Variants in CDK14 observed in about 807,000 individuals in gnomAD.
CDK14 encodes cyclin dependent kinase 14.
In CDK14, 34 loss-of-function variants were observed where a neutral mutation model predicts 60.7. The observed-to-expected ratio is 0.56, with a 90% CI of 0.43 to 0.75. The LOEUF (loss-of-function observed/expected upper bound fraction) is 0.75. CDK14 is among the 30% of genes least tolerant of loss of function. The pLI is 0.00. For synonymous variants in CDK14, 197 were observed against 203.7 expected, an observed-to-expected ratio of 0.97 and a Z score of 0.28; for missense variants, 482 against 564.1, an observed-to-expected ratio of 0.85 and a Z score of 1.47.
intron 5 of CDK14, among the ~76,000 whole-genome samples, chr7:90,803,332 G>A (rs1788712938): frequency 6.6e-6 from 1 of 152,100 alleles, no homozygotes; most frequent in Admixed American, 6.6e-5. Context: ...ATTATGCAGT[G>A]TTAGAGAGAC....
intron 6 of CDK14, among the ~76,000 whole-genome samples, chr7:90,881,691 G>T (rs1791759153): frequency 6.6e-6 from 1 of 152,184 alleles, no homozygotes; most frequent in Admixed American, 6.5e-5. Flanking sequence ...CAGGGAGAAA[G>T]GCCGGGTCAC....
intron 10 of CDK14, among the ~76,000 whole-genome samples, chr7:91,008,586 A>G (rs1187356622): frequency 6.6e-6 from 1 of 152,164 alleles, no homozygotes; most frequent in Non-Finnish European, 1.5e-5. Context: ...TAATATCAGA[A>G]TCTCAAAAAG....
intron 5 of CDK14, among the ~76,000 whole-genome samples, chr7:90,799,839 A>G (rs1200606066): frequency 6.6e-6 from 1 of 152,052 alleles, no homozygotes; most frequent in Non-Finnish European, 1.5e-5. Flanking sequence ...TGTTATTGCC[A>G]TTAAGTCAAG....
chr7:90,676,258 A>G (rs957106530), intron 2 of CDK14, among the ~76,000 whole-genome samples: 2 of 152,170 alleles, frequency 1.3e-5, no homozygotes, highest in Non-Finnish European at 2.9e-5. Context: ...GATAGGAGGT[A>G]TTGAGGGAGG....
chr7:91,150,878 C>T (rs1467371211), intron 14 of CDK14, among the ~76,000 whole-genome samples: 2 of 152,076 alleles, frequency 1.3e-5, no homozygotes, highest in East Asian at 3.9e-4. Context: ...TCTGTCAGGC[C>T]TTTTAGCCTG....
At chr7:90,700,693 T>C (rs1200560747) in intron 2 of CDK14, among the ~76,000 whole-genome samples, 2 of 152,192 alleles carry the variant, frequency 1.3e-5, no homozygotes, top group Non-Finnish European at 2.9e-5. Flanking sequence ...ATTTTACTTA[T>C]TGAATTCTCT....
At chr7:90,674,101 T>C (rs942788669) in intron 2 of CDK14, among the ~76,000 whole-genome samples, 2 of 152,220 alleles carry the variant, frequency 1.3e-5, no homozygotes, top group Non-Finnish European at 2.9e-5. Flanking sequence ...CTATTGTTCA[T>C]AATGAAGGGG....
chr7:90,900,451 C>T (rs189836482), intron 7 of CDK14, among the ~76,000 whole-genome samples: 4 of 152,098 alleles, frequency 2.6e-5, no homozygotes, highest in African/African-American at 7.2e-5. Context: ...GATGAAAATA[C>T]GTGTTTTATT....
intron 10 of CDK14, among the ~76,000 whole-genome samples, chr7:91,017,683 A>C (rs7810143): frequency 0.034 from 5,138 of 152,292 alleles, 111 homozygotes; most frequent in South Asian, 0.073. Flanking sequence ...GGGCACTGCT[A>C]TATGATGGAT....
At chr7:90,602,350 A>G (rs1799334759) in intron 1 of CDK14, among the ~76,000 whole-genome samples, 1 of 152,206 alleles carries the variant, frequency 6.6e-6, no homozygotes. Context: ...TAGACTTTGT[A>G]TTTGAAATCA....
intron 6 of CDK14, among the ~76,000 whole-genome samples, chr7:90,888,233 C>A (rs1489737734): frequency 6.6e-6 from 1 of 151,938 alleles, no homozygotes; most frequent in African/African-American, 2.4e-5. Flanking sequence ...GCCTGTAGTG[C>A]CAGCTACTCG....
At chr7:90,799,614 TG>T (rs1160358540) in intron 5 of CDK14, among the ~76,000 whole-genome samples, 1 of 135,454 alleles carries the variant, frequency 7.4e-6, no homozygotes, top group Non-Finnish European at 1.5e-5. Context: ...CACTTGAACC[TG>T]GGAGGCAGAG....
At chr7:90,937,612 T>C (rs1167398780) in intron 8 of CDK14, among the ~76,000 whole-genome samples, 1 of 152,252 alleles carries the variant, frequency 6.6e-6, no homozygotes, top group African/African-American at 2.4e-5. Flanking sequence ...GGAGATATTC[T>C]AGACCAGAGG....
chr7:90,779,570 A>G (rs1023600250), intron 4 of CDK14, among the ~76,000 whole-genome samples: 2 of 152,186 alleles, frequency 1.3e-5, no homozygotes, highest in African/African-American at 4.8e-5. Context: ...ACCAATGCAT[A>G]TTGTATTCTT....
chr7:91,174,279 A>G (rs1584167184), intron 14 of CDK14, among the ~76,000 whole-genome samples: 1 of 152,106 alleles, frequency 6.6e-6, no homozygotes, highest in East Asian at 1.9e-4. Flanking sequence ...ACAAACAGAA[A>G]GGACATCCAC....
chr7:91,205,875 A>C lies in CDK14; in HGVS notation c.*29-1290A>C, dbSNP rs550908272. On this transcript the variant is annotated intron_variant, in intron 14 of 14. Coordinates refer to ENST00000380050, the MANE Select transcript of CDK14 (RefSeq NM_001287135.2). Reference sequence around the variant, plus strand: ...CCGTGGCACAATCTCGGCTCACTGCAACCTCTGCCTCCTGGGTTCATGCCA... The same window carrying C: ...CCGTGGCACAATCTCGGCTCACTGCCACCTCTGCCTCCTGGGTTCATGCCA... Among the ~76,000 whole-genome samples the C allele has an allele frequency of 1.1e-4, 17 of 152,080 alleles. 2 individuals carry two copies. In the South Asian group the frequency reaches 3.5e-3, roughly 32 times the overall value.
At chr7:90,763,547 A>G (rs1052874246) in intron 4 of CDK14, among the ~76,000 whole-genome samples, 1 of 151,888 alleles carries the variant, frequency 6.6e-6, no homozygotes, top group African/African-American at 2.4e-5. Context: ...TCTCTCAGCT[A>G]TCTGTTCTGA....
intron 2 of CDK14, among the ~76,000 whole-genome samples, chr7:90,698,084 AAAAAAG>A (rs1563048806): frequency 2.1e-5 from 3 of 146,058 alleles, no homozygotes; most frequent in Non-Finnish European, 3.0e-5. Context: ...AAAAAAAAAA[AAAAAAG>A]AAAAAGAAAA....
intron 8 of CDK14, among the ~76,000 whole-genome samples, chr7:90,941,677 C>G (rs556115128): frequency 1.0e-3 from 155 of 151,950 alleles, no homozygotes; most frequent in Admixed American, 2.5e-3. Context: ...TGGACTCAAA[C>G]TCTTGGGGGC....
Sources: gnomAD v4.1 joint callset for allele counts (sites outside exome capture counted in the v4.1 genomes callset) on GRCh38, gnomAD v4.1.1 for gene constraint, MANE v1.5 for transcripts, NCBI Gene and HGNC (gene_info 2026-07-23, HGNC 2026-07-21) for gene names.